ULK4: variants seen among roughly 807,000 people sequenced by gnomAD.
ULK4 encodes the protein unc-51 like kinase 4.
ULK4 carries 133 observed loss-of-function variants against 160.6 expected under a neutral mutation model. That is an observed-to-expected ratio of 0.83 (90% CI 0.72 to 0.96). The LOEUF (loss-of-function observed/expected upper bound fraction) is 0.96, where lower values mean the gene tolerates loss of function less well. Among genes scored for constraint, ULK4 ranks in the 40% least tolerant of loss-of-function variants. The pLI, the probability that ULK4 is intolerant of heterozygous loss-of-function variation, is 0.00. For missense variants in ULK4, 1,580 were observed against 1,499.5 expected (o/e 1.05, Z -0.89); for synonymous variants, 534 against 539.8 (o/e 0.99, Z 0.15).
intron 32 of ULK4, among the ~76,000 whole-genome samples, chr3:41,469,272 A>G (rs4309700): frequency 0.38 from 58,065 of 151,922 alleles, 11,884 homozygotes; most frequent in African/African-American, 0.52. Flanking sequence ...TTTCTAATGA[A>G]CATAGCAGCT....
At chr3:41,782,897 G>A (rs763037786) in intron 21 of ULK4, among the ~76,000 whole-genome samples, 6 of 152,004 alleles carry the variant, frequency 3.9e-5, no homozygotes, top group Admixed American at 2.0e-4. Flanking sequence ...TTAAATGATC[G>A]TATATCATAA....
chr3:41,591,567 C>A (rs1268882969), intron 31 of ULK4, among the ~76,000 whole-genome samples: 2 of 151,684 alleles, frequency 1.3e-5, no homozygotes, highest in Non-Finnish European at 2.9e-5. Context: ...GGGCCACATT[C>A]AAAGCTGTCC....
At chr3:41,664,153 T>C (rs2035278530) in intron 29 of ULK4, among the ~76,000 whole-genome samples, 1 of 152,312 alleles carries the variant, frequency 6.6e-6, no homozygotes. Flanking sequence ...TTGGGAAGAT[T>C]CAGTGAGATA....
At chr3:41,761,623 A>C (rs1054362693) in intron 21 of ULK4, among the ~76,000 whole-genome samples, 2 of 151,900 alleles carry the variant, frequency 1.3e-5, no homozygotes, top group African/African-American at 4.8e-5. Context: ...TAAATAGATT[A>C]GATATTATGG....
chr3:41,654,840 T>C (rs999955250), intron 30 of ULK4, among the ~76,000 whole-genome samples: 4 of 152,202 alleles, frequency 2.6e-5, no homozygotes, highest in Admixed American at 1.3e-4. Context: ...TAGAGAAACC[T>C]TGTATTTTAT....
chr3:41,704,910 G>T, intron 27 of ULK4, 147 bp downstream of exon 27: 1 of 567,454 alleles, frequency 1.8e-6, no homozygotes, highest in Non-Finnish European at 3.0e-6. Flanking sequence ...GATTTCCTAT[G>T]TTCATCCTGC....
chr3:41,330,676 T>G (rs985553776), intron 35 of ULK4, among the ~76,000 whole-genome samples: 30 of 152,008 alleles, frequency 2.0e-4, no homozygotes, highest in African/African-American at 7.3e-4. Context: ...CCCCAGCACT[T>G]TGTGGTTTGA....
At chr3:41,668,500 C>G (rs1309529709) in intron 29 of ULK4, among the ~76,000 whole-genome samples, 1 of 152,136 alleles carries the variant, frequency 6.6e-6, no homozygotes, top group Non-Finnish European at 1.5e-5. Flanking sequence ...CATAGGTTTG[C>G]AGCCTGGGAG....
intron 30 of ULK4, among the ~76,000 whole-genome samples, chr3:41,659,062 G>C (rs1376580451): frequency 6.6e-6 from 1 of 152,080 alleles, no homozygotes; most frequent in Non-Finnish European, 1.5e-5. Flanking sequence ...CCTCAAATGA[G>C]TGATTTTAAT....
chr3:41,891,418 A>C (rs530031576), intron 16 of ULK4, among the ~76,000 whole-genome samples: 1 of 151,418 alleles, frequency 6.6e-6, no homozygotes, highest in African/African-American at 2.4e-5. Context: ...TCCTAGAGAC[A>C]ATCTAGTAAA....
rs563984569 is a variant in ULK4 at position 41,930,489 on chromosome 3, G to C, written c.541+1355C>G. 7.2e-5 allele frequency among the ~76,000 whole-genome samples: 11 copies of C among 152,178 alleles called. No individual in the cohort carries two copies. In the East Asian group the frequency reaches 1.7e-3, roughly 24 times the overall value. ...GCAGCAAAAGCCAAAATTGACAAAT[G>C]GTATCTAATTAAACTAAAGAGCTTC... On this transcript the variant is annotated intron_variant, in intron 5 of 36. Coordinates refer to ENST00000301831, the MANE Select transcript of ULK4 (RefSeq NM_017886.4).
intron 17 of ULK4, among the ~76,000 whole-genome samples, chr3:41,852,427 C>T (rs190236603): frequency 6.6e-6 from 1 of 151,986 alleles, no homozygotes; most frequent in Admixed American, 6.5e-5. Context: ...AAATTAATTA[C>T]TCAATTAAAA....
intron 12 of ULK4, among the ~76,000 whole-genome samples, chr3:41,906,594 G>C (rs1716663): frequency 1.3e-5 from 2 of 151,886 alleles, no homozygotes; most frequent in African/African-American, 4.8e-5. Context: ...ATATTCACCA[G>C]CTGATGACTG....
intron 27 of ULK4, among the ~76,000 whole-genome samples, chr3:41,696,397 A>G (rs1421914009): frequency 6.6e-6 from 1 of 152,194 alleles, no homozygotes; most frequent in Non-Finnish European, 1.5e-5. Context: ...CTTGGCTGCC[A>G]GGCAGGGAAG....
intron 32 of ULK4, among the ~76,000 whole-genome samples, chr3:41,526,173 T>G (rs529461016): frequency 2.3e-5 from 3 of 133,140 alleles, no homozygotes; most frequent in Admixed American, 8.0e-5. Flanking sequence ...TCTTACAGAC[T>G]ATGTATGATT....
intron 19 of ULK4, among the ~76,000 whole-genome samples, chr3:41,811,268 C>G (rs1326028529): frequency 6.6e-6 from 1 of 152,104 alleles, no homozygotes; most frequent in African/African-American, 2.4e-5. Context: ...ACACTCATAG[C>G]TCACTACAGC....
intron 35 of ULK4, among the ~76,000 whole-genome samples, chr3:41,305,954 G>T (rs1276509124): frequency 1.4e-5 from 2 of 143,070 alleles, no homozygotes; most frequent in Non-Finnish European, 1.5e-5. Flanking sequence ...CGGCCGCCCC[G>T]TCTGAGAAGT....
chr3:41,466,660 C>A (rs1263819921), intron 32 of ULK4, among the ~76,000 whole-genome samples: 7 of 151,866 alleles, frequency 4.6e-5, no homozygotes, highest in African/African-American at 1.7e-4. Flanking sequence ...AATTAGACTT[C>A]ATTAAAAAGT....
intron 27 of ULK4, among the ~76,000 whole-genome samples, chr3:41,686,048 T>G (rs115808574): frequency 6.6e-6 from 1 of 152,304 alleles, no homozygotes; most frequent in Admixed American, 6.5e-5. Flanking sequence ...TGTATATGTA[T>G]ATGAACATAT....
Sources: allele counts gnomAD v4.1 joint callset (sites outside exome capture counted in the v4.1 genomes callset), GRCh38; gene constraint gnomAD v4.1.1; transcripts MANE v1.5; gene names NCBI Gene and HGNC (gene_info 2026-07-23, HGNC 2026-07-21).